Variants in ANK2 observed in about 807,000 individuals in gnomAD.
ANK2 encodes ankyrin 2.
In ANK2, 83 loss-of-function variants were observed where a neutral mutation model predicts 360.5. The ratio of observed to expected loss-of-function variants is 0.23; its 90% confidence interval spans 0.19 to 0.28. ANK2 has a LOEUF of 0.28. ANK2 is among the 10% of genes least tolerant of loss of function. The pLI is 1.00. For synonymous variants in ANK2, 1,740 were observed against 1,759.5 expected (o/e 0.99, Z 0.28); for missense variants, 4,201 against 4,795.7 (o/e 0.88, Z 3.66).
At chr4:113,110,273 T>TGA (rs961391778) in intron 1 of ANK2, among the ~76,000 whole-genome samples, 62 of 152,274 alleles carry the variant, frequency 4.1e-4, no homozygotes, top group African/African-American at 1.2e-3. Context: ...CTCACTATCA[T>TGA]GAGAACAGCA....
At chr4:112,789,333 A>G in the ANK2 span, among the ~76,000 whole-genome samples, 5 of 152,174 alleles carry the variant, frequency 3.3e-5, no homozygotes, top group Non-Finnish European at 5.9e-5. Context: ...CCTGAATAGG[A>G]AGATCAAAAT....
the ANK2 span, among the ~76,000 whole-genome samples, chr4:112,789,571 A>G: frequency 6.6e-6 from 1 of 152,328 alleles, no homozygotes; most frequent in East Asian, 1.9e-4. Flanking sequence ...TGAGTTTATT[A>G]TGGGGAGGAG....
At chr4:112,773,770 T>G in the ANK2 span, among the ~76,000 whole-genome samples, 1 of 151,990 alleles carries the variant, frequency 6.6e-6, no homozygotes, top group African/African-American at 2.4e-5. Flanking sequence ...TTTATCCACC[T>G]AAGTAAATTT....
At chr4:112,711,189 T>G in the ANK2 span, among the ~76,000 whole-genome samples, 1 of 147,454 alleles carries the variant, frequency 6.8e-6, no homozygotes, top group African/African-American at 2.6e-5. Context: ...CCTAGCACAC[T>G]GTCTCAAAAA....
the ANK2 span, among the ~76,000 whole-genome samples, chr4:112,706,105 C>G: frequency 6.6e-5 from 10 of 151,282 alleles, no homozygotes; most frequent in East Asian, 2.0e-3. Context: ...ACGCGGGAGA[C>G]CCGGGCGTGA....
chr4:113,051,518 A>T (rs1199934028), intron 1 of ANK2, among the ~76,000 whole-genome samples: 1 of 152,218 alleles, frequency 6.6e-6, no homozygotes, highest in African/African-American at 2.4e-5. Flanking sequence ...CCAAACTTGC[A>T]TCCAAAATGA....
At chr4:113,165,983 A>C (rs1399080546) in intron 1 of ANK2, among the ~76,000 whole-genome samples, 2 of 152,174 alleles carry the variant, frequency 1.3e-5, no homozygotes, top group Non-Finnish European at 2.9e-5. Flanking sequence ...ATTTTCATCT[A>C]TAAACTTACC....
chr4:112,954,261 A>C (rs937343968), intron 2 of ANK2, among the ~76,000 whole-genome samples: 2 of 110,600 alleles, frequency 1.8e-5, no homozygotes, highest in African/African-American at 4.0e-5. Context: ...CTTCCTTCCT[A>C]CCTTCCTTCC....
intron 14 of ANK2, among the ~76,000 whole-genome samples, chr4:113,273,554 C>T (rs1563327012): frequency 6.6e-6 from 1 of 152,144 alleles, no homozygotes; most frequent in African/African-American, 2.4e-5. Context: ...ATTCTTAGCC[C>T]TGAAAGTCAG....
intron 31 of ANK2, among the ~76,000 whole-genome samples, chr4:113,337,868 GT>G (rs1338717691): frequency 6.6e-6 from 1 of 152,036 alleles, no homozygotes; most frequent in Non-Finnish European, 1.5e-5. Context: ...CTTCTATAAT[GT>G]GCAATATAAT....
At chr4:113,339,371 A>G in intron 32 of ANK2, 49 bp downstream of exon 32, 1 of 1,438,756 alleles carries the variant, frequency 7.0e-7, no homozygotes. Flanking sequence ...TTACCCTCCA[A>G]AAAAACTGCC....
intron 7 of ANK2, among the ~76,000 whole-genome samples, chr4:113,240,227 T>C (rs1229975119): frequency 6.6e-6 from 1 of 152,176 alleles, no homozygotes; most frequent in Non-Finnish European, 1.5e-5. Context: ...AAACAACAAA[T>C]CTCATAAATA....
chr4:113,368,676 G>A (rs188499498), intron 42 of ANK2, among the ~76,000 whole-genome samples: 163 of 152,226 alleles, frequency 1.1e-3, no homozygotes, highest in Admixed American at 7.2e-4. Context: ...AAAACATTTC[G>A]CTTGTCATTT....
intron 4 of ANK2, among the ~76,000 whole-genome samples, chr4:113,211,530 G>A (rs62313189): frequency 0.022 from 3,312 of 152,272 alleles, 55 homozygotes; most frequent in Middle Eastern, 0.037. Flanking sequence ...GCAATAAAAT[G>A]TAGATAGTGT....
At chr4:113,031,113 C>G (rs529174255) in intron 2 of ANK2, among the ~76,000 whole-genome samples, 20 of 151,970 alleles carry the variant, frequency 1.3e-4, no homozygotes, top group Non-Finnish European at 2.2e-4. Context: ...TAACAGCTGA[C>G]TTGAATTGTC....
intron 2 of ANK2, among the ~76,000 whole-genome samples, chr4:113,009,050 G>A (rs1234572652): frequency 1.3e-5 from 2 of 152,180 alleles, no homozygotes; most frequent in South Asian, 2.1e-4. Context: ...AGAAGTATAC[G>A]TGGAAGGCTG....
At chr4:113,160,779 A>G (rs2097506290) in intron 1 of ANK2, among the ~76,000 whole-genome samples, 1 of 152,218 alleles carries the variant, frequency 6.6e-6, no homozygotes, top group African/African-American at 2.4e-5. Flanking sequence ...AGCCATGCAC[A>G]ACATCTAGCA....
At chr4:113,111,609 C>T (rs1044324203) in intron 1 of ANK2, among the ~76,000 whole-genome samples, 2 of 151,968 alleles carry the variant, frequency 1.3e-5, no homozygotes, top group African/African-American at 2.4e-5. Flanking sequence ...TTTTAAAACA[C>T]GGCAATAAAT....
intron 17 of ANK2, 52 bp from the exon 18 acceptor site, chr4:113,282,623 G>A (rs2062847136): frequency 1.4e-6 from 2 of 1,460,470 alleles, no homozygotes; most frequent in Non-Finnish European, 1.9e-6. Flanking sequence ...ACGTATTAGA[G>A]CAATTGTTAA....
Sources: gnomAD v4.1 joint callset for allele counts (sites outside exome capture counted in the v4.1 genomes callset) on GRCh38, gnomAD v4.1.1 for gene constraint, MANE v1.5 for transcripts, NCBI Gene and HGNC (gene_info 2026-07-23, HGNC 2026-07-21) for gene names.